The following KHDRBS3 variants were observed in gnomAD, a reference collection of about 807,000 sequenced individuals.
KHDRBS3 encodes the protein KH domain-containing, RNA-binding, signal transduction-associated protein 3.
KHDRBS3 carries 23 observed loss-of-function variants against 45.6 expected under a neutral mutation model. The ratio of observed to expected loss-of-function variants is 0.50; its 90% CI spans 0.36 to 0.72. The LOEUF (loss-of-function observed/expected upper bound fraction) is 0.72, where lower values mean the gene tolerates loss of function less well. Ranked by LOEUF, KHDRBS3 falls within the 30% of genes least tolerant of loss-of-function variation. The probability of loss-of-function intolerance (pLI) is 0.00; values close to 1 mark genes in which losing one functional copy is unlikely to be tolerated. For missense variants in KHDRBS3, 352 were observed against 424.8 expected, an observed-to-expected ratio of 0.83 and a Z score of 1.51; for synonymous variants, 162 against 156.5, an observed-to-expected ratio of 1.04 and a Z score of -0.26.
At chr8:135,643,731 C>A (rs1831164419) in intron 7 of KHDRBS3, among the ~76,000 whole-genome samples, 1 of 152,236 alleles carries the variant, frequency 6.6e-6, no homozygotes, top group South Asian at 2.1e-4. Context: ...CAAGTCTGGC[C>A]TGTGTAGTCA....
In KHDRBS3 at chr8:135,532,235, T is replaced by G. The variant is rs144805823; in HGVS notation, c.208-10419T>G. On this transcript the variant is annotated intron_variant, in intron 2 of 8. Coordinates refer to ENST00000355849, the MANE Select transcript of KHDRBS3 (RefSeq NM_006558.3). ...TGAATACTAAGAATGGGGATTTATT[T>G]AAGTAATCATTGTGTTAGTGGTCAA... Among the ~76,000 whole-genome samples the G allele has an allele frequency of 3.1e-3, 478 of 152,304 alleles. 1 individual carries two copies. Among genetic ancestry groups the G allele is most frequent in the Middle Eastern group, 0.017 (5 of 294 alleles).
chr8:135,487,067 C>T (rs952173066), intron 1 of KHDRBS3, among the ~76,000 whole-genome samples: 1 of 152,088 alleles, frequency 6.6e-6, no homozygotes, highest in Non-Finnish European at 1.5e-5. Context: ...TAATTTTTCT[C>T]AGCATTCTAT....
intron 1 of KHDRBS3, among the ~76,000 whole-genome samples, chr8:135,513,869 T>A (rs1824433682): frequency 1.3e-5 from 2 of 152,192 alleles, no homozygotes; most frequent in Non-Finnish European, 2.9e-5. Context: ...CCCCTCTTTT[T>A]TTTTTCCTTC....
At chr8:135,564,006 T>A (rs911851884) in intron 5 of KHDRBS3, among the ~76,000 whole-genome samples, 1 of 152,200 alleles carries the variant, frequency 6.6e-6, no homozygotes, top group African/African-American at 2.4e-5. Flanking sequence ...AGTGGTTTTG[T>A]TTTAAGTGAG....
At position 135,647,245 on chromosome 8, in the gene KHDRBS3, G is replaced by GAAA. The variant is rs34118572; in HGVS notation, c.*174_*176dup. 6.9e-3 allele frequency: 1,344 copies of GAAA among 193,722 alleles called. 2 individuals are homozygous for GAAA. The highest frequency in any genetic ancestry group is 0.016 in the Middle Eastern group (9 of 564). 12.0% of individuals were successfully genotyped at this position (193,722 alleles called of 1,614,324 possible). A position where few individuals can be genotyped will look rare whatever the true frequency, so the allele number is the denominator to read the frequency against. On this transcript the variant is annotated 3_prime_UTR_variant, in exon 9 of 9. Transcript: ENST00000355849. Reference sequence around the variant, plus strand: ...CTTTGTTGAAACATCAACCTGGGCAGAAAAAAAAAAAAAAAGACATGTAAA... The same window carrying GAAA: ...CTTTGTTGAAACATCAACCTGGGCAGAAAAAAAAAAAAAAAAAAGACATGTAAA...
At chr8:135,529,421 C>T (rs1333642383) in intron 2 of KHDRBS3, among the ~76,000 whole-genome samples, 1 of 152,172 alleles carries the variant, frequency 6.6e-6, no homozygotes, top group African/African-American at 2.4e-5. Flanking sequence ...TTAACGTTTG[C>T]TCTCCTTACA....
chr8:135,493,545 G>C (rs1439007067), intron 1 of KHDRBS3, among the ~76,000 whole-genome samples: 1 of 152,064 alleles, frequency 6.6e-6, no homozygotes, highest in African/African-American at 2.4e-5. Flanking sequence ...CATCTCTTCA[G>C]TTGATGATAT....
intron 5 of KHDRBS3, among the ~76,000 whole-genome samples, chr8:135,559,279 G>C (rs558152548): frequency 1.2e-4 from 19 of 152,108 alleles, no homozygotes; most frequent in African/African-American, 3.6e-4. Context: ...AGTCTAGTTA[G>C]TTTTATCTTT....
chr8:135,618,693 A>C, intron 7 of KHDRBS3, among the ~76,000 whole-genome samples: 1 of 152,176 alleles, frequency 6.6e-6, no homozygotes, highest in Non-Finnish European at 1.5e-5. Context: ...GTCAATTCCA[A>C]AGTATATTAA....
At chr8:135,500,529 C>CAGTT (rs969341278) in intron 1 of KHDRBS3, among the ~76,000 whole-genome samples, 1 of 152,126 alleles carries the variant, frequency 6.6e-6, no homozygotes, top group African/African-American at 2.4e-5. Context: ...TCAGGGAAGG[C>CAGTT]AGTTAGCTCT....
chr8:135,492,516 C>CATATATATATATATATATATACAT (rs3029812), intron 1 of KHDRBS3, among the ~76,000 whole-genome samples: 2 of 145,856 alleles, frequency 1.4e-5, no homozygotes, highest in South Asian at 4.3e-4. Flanking sequence ...TATATATATA[C>CATATATATATATATATATATACAT]ATATATATAT....
intron 2 of KHDRBS3, among the ~76,000 whole-genome samples, chr8:135,535,087 T>TA (rs1216635532): frequency 6.6e-6 from 1 of 152,064 alleles, no homozygotes; most frequent in African/African-American, 2.4e-5. Context: ...GTTTGTTATG[T>TA]AGTAGTGGAT....
At chr8:135,515,834 T>G (rs1276674089) in intron 1 of KHDRBS3, among the ~76,000 whole-genome samples, 5 of 152,234 alleles carry the variant, frequency 3.3e-5, no homozygotes, top group South Asian at 4.1e-4. Context: ...CAAAAAGAGA[T>G]ACAGTGAAAA....
In KHDRBS3 at chr8:135,581,900, C is replaced by G; in HGVS notation, c.634C>G (p.Arg212Gly). The stretch of plus-strand genomic sequence containing the variant: ...CAGGGGAAGGGGAGGAGTTACAGCC[C>G]GGCCAGTTGGAGTTGTAGTACCACG... ...ITRGRGGVTA[R>G]PVGVVVPRGT... The change falls in exon 6 of 9, where the codon CGG (arginine) becomes GGG (glycine). Residue 212 changes from arginine to glycine, a missense_variant. Arg to Gly is a moderately radical substitution (Grantham distance 125, BLOSUM62 -2). Transcript: ENST00000355849. 9 of 1,601,582 alleles carry G rather than the reference C, an allele frequency of 5.6e-6. No homozygotes were observed. Among genetic ancestry groups the G allele is most frequent in the Non-Finnish European group, 7.7e-6 (9 of 1,171,756 alleles).
At chr8:135,643,824 T>C (rs981321926) in intron 7 of KHDRBS3, among the ~76,000 whole-genome samples, 1 of 152,178 alleles carries the variant, frequency 6.6e-6, no homozygotes, top group Non-Finnish European at 1.5e-5. Flanking sequence ...ATCTGTCAAA[T>C]GGGTATGGCA....
chr8:135,595,605 T>C (rs1441117608), intron 6 of KHDRBS3, among the ~76,000 whole-genome samples: 1 of 152,248 alleles, frequency 6.6e-6, no homozygotes, highest in Non-Finnish European at 1.5e-5. Flanking sequence ...ACATTTTCCC[T>C]GTATAGAAGC....
intron 1 of KHDRBS3, among the ~76,000 whole-genome samples, chr8:135,483,810 C>T (rs1429131728): frequency 6.6e-6 from 1 of 152,206 alleles, no homozygotes; most frequent in Admixed American, 6.5e-5. Context: ...CTTATTCTCT[C>T]TCCCTATCTA....
chr8:135,639,819 G>A (rs150262422), intron 7 of KHDRBS3, among the ~76,000 whole-genome samples: 219 of 152,262 alleles, frequency 1.4e-3, no homozygotes, highest in African/African-American at 4.5e-3. Flanking sequence ...ACTTATCACC[G>A]AGGGGATGTT....
intron 2 of KHDRBS3, among the ~76,000 whole-genome samples, chr8:135,522,897 C>T (rs1432690648): frequency 6.6e-6 from 1 of 152,012 alleles, no homozygotes; most frequent in Non-Finnish European, 1.5e-5. Flanking sequence ...GTTTTTCTTG[C>T]ACTATTTGTT....
Sources: allele counts gnomAD v4.1 joint callset (sites outside exome capture counted in the v4.1 genomes callset), GRCh38; gene constraint gnomAD v4.1.1; transcripts MANE v1.5; gene names NCBI Gene and HGNC (gene_info 2026-07-23, HGNC 2026-07-21).